The following DPP10 variants were observed in gnomAD, a reference collection of about 807,000 sequenced individuals.
DPP10 encodes the protein dipeptidyl peptidase like 10.
In DPP10, 33 loss-of-function variants were observed where a neutral mutation model predicts 120.9. The ratio of observed to expected loss-of-function variants is 0.27; its 90% CI spans 0.21 to 0.37. The LOEUF (loss-of-function observed/expected upper bound fraction) is 0.37. Among genes scored for constraint, DPP10 ranks in the 10% least tolerant of loss-of-function variants. The probability of loss-of-function intolerance (pLI) is 1.00; values close to 1 mark genes in which losing one functional copy is unlikely to be tolerated. For synonymous variants in DPP10, 337 were observed against 326.1 expected (o/e 1.03, Z -0.36); for missense variants, 816 against 942.8 (o/e 0.87, Z 1.76).
At chr2:114,760,316 C>T (rs574063915) in intron 1 of DPP10, among the ~76,000 whole-genome samples, 7 of 152,252 alleles carry the variant, frequency 4.6e-5, no homozygotes, top group African/African-American at 1.2e-4. Context: ...CTCCCTTTGG[C>T]GTGCATCCCC....
At chr2:115,262,490 A>T (rs1376511502) in intron 1 of DPP10, among the ~76,000 whole-genome samples, 6 of 152,106 alleles carry the variant, frequency 3.9e-5, no homozygotes, top group Non-Finnish European at 2.9e-5. Context: ...ATTCATTTTG[A>T]CTACATAGAA....
intron 1 of DPP10, among the ~76,000 whole-genome samples, chr2:114,899,642 C>T (rs1273805664): frequency 1.3e-5 from 2 of 152,090 alleles, no homozygotes; most frequent in African/African-American, 2.4e-5. Flanking sequence ...TTTTCTTTAA[C>T]TTAAAAATAC....
intron 1 of DPP10, among the ~76,000 whole-genome samples, chr2:115,218,517 C>A (rs1029791529): frequency 1.3e-5 from 2 of 152,112 alleles, no homozygotes; most frequent in African/African-American, 4.8e-5. Context: ...TTTCCAACAT[C>A]GTACTGACAT....
intron 1 of DPP10, among the ~76,000 whole-genome samples, chr2:114,884,805 C>T (rs1254378039): frequency 1.3e-5 from 2 of 152,152 alleles, no homozygotes; most frequent in Non-Finnish European, 1.5e-5. Flanking sequence ...TGAGTGAGAA[C>T]ATACAATGAT....
At chr2:115,296,276 G>A (rs980593029) in intron 1 of DPP10, among the ~76,000 whole-genome samples, 10 of 152,072 alleles carry the variant, frequency 6.6e-5, no homozygotes, top group African/African-American at 2.4e-4. Context: ...GCCTCTAAAG[G>A]TCGGTGGTGT....
At chr2:115,227,669 T>C (rs995902055) in intron 1 of DPP10, among the ~76,000 whole-genome samples, 24 of 152,178 alleles carry the variant, frequency 1.6e-4, no homozygotes, top group African/African-American at 5.5e-4. Context: ...TCAGACAATA[T>C]GTAGCCTTTC....
chr2:115,683,292 A>C (rs1376887013), intron 5 of DPP10, among the ~76,000 whole-genome samples: 1 of 151,988 alleles, frequency 6.6e-6, no homozygotes, highest in Non-Finnish European at 1.5e-5. Context: ...TGGGAAATGC[A>C]AAATTGTGGA....
chr2:115,362,509 G>A (rs1037186484), intron 3 of DPP10, among the ~76,000 whole-genome samples: 1 of 152,018 alleles, frequency 6.6e-6, no homozygotes, highest in Non-Finnish European at 1.5e-5. Flanking sequence ...TATATAACTG[G>A]CAGGTGACGT....
chr2:115,011,190 G>T (rs1210901602), intron 1 of DPP10, among the ~76,000 whole-genome samples: 2 of 152,160 alleles, frequency 1.3e-5, no homozygotes, highest in Non-Finnish European at 2.9e-5. Flanking sequence ...TTACTTTGTG[G>T]CTTAGAATAT....
chr2:114,672,103 T>G (rs1446479108), intron 1 of DPP10, among the ~76,000 whole-genome samples: 3 of 152,162 alleles, frequency 2.0e-5, no homozygotes, highest in Non-Finnish European at 4.4e-5. Flanking sequence ...TCTTAATTTA[T>G]ATAATTGATT....
chr2:114,555,453 T>A (rs1046200751), intron 1 of DPP10, among the ~76,000 whole-genome samples: 2 of 152,182 alleles, frequency 1.3e-5, no homozygotes, highest in Admixed American at 6.5e-5. Context: ...CAGTTGCTGA[T>A]GAAGAATGTA....
intron 1 of DPP10, among the ~76,000 whole-genome samples, chr2:115,278,166 T>C (rs1175576820): frequency 6.6e-6 from 1 of 152,206 alleles, no homozygotes; most frequent in Non-Finnish European, 1.5e-5. Flanking sequence ...AAATAATGTG[T>C]TTCCTTGGTA....
intron 1 of DPP10, among the ~76,000 whole-genome samples, chr2:114,472,581 G>A (rs981615866): frequency 6.6e-6 from 1 of 152,124 alleles, no homozygotes; most frequent in African/African-American, 2.4e-5. Flanking sequence ...CTTCGATGCA[G>A]GCTGCGTCTC....
At chr2:115,510,750 A>T (rs764904697) in intron 4 of DPP10, among the ~76,000 whole-genome samples, 1 of 152,172 alleles carries the variant, frequency 6.6e-6, no homozygotes, top group African/African-American at 2.4e-5. Context: ...GTGCTACACT[A>T]ACAAGGTTCT....
intron 1 of DPP10, chr2:115,161,217 G>A (rs1559162556): frequency 6.6e-6 from 1 of 152,316 alleles, no homozygotes; most frequent in Non-Finnish European, 1.5e-5. Context: ...CAGCACCTCA[G>A]GCCACAATCT....
chr2:115,353,427 T>G (rs528074004), intron 3 of DPP10, among the ~76,000 whole-genome samples: 1 of 152,288 alleles, frequency 6.6e-6, no homozygotes, highest in Admixed American at 6.5e-5. Flanking sequence ...GTATATTTGA[T>G]CATTTTACTG....
At chr2:114,706,172 G>C (rs965616409) in intron 1 of DPP10, among the ~76,000 whole-genome samples, 4 of 152,180 alleles carry the variant, frequency 2.6e-5, no homozygotes, top group African/African-American at 9.7e-5. Flanking sequence ...TGATTCCAAA[G>C]TTCTGTAGGA....
At chr2:115,410,118 T>C (rs1307104631) in intron 3 of DPP10, among the ~76,000 whole-genome samples, 1 of 152,214 alleles carries the variant, frequency 6.6e-6, no homozygotes, top group African/African-American at 2.4e-5. Context: ...ATTGATTAAA[T>C]AGGGAATCTG....
chr2:114,631,274 C>T (rs1017559322), intron 1 of DPP10, among the ~76,000 whole-genome samples: 7 of 151,938 alleles, frequency 4.6e-5, no homozygotes, highest in African/African-American at 1.7e-4. Context: ...CTGGAGTTTC[C>T]GACAAACCCA....
Sources: allele counts gnomAD v4.1 joint callset (sites outside exome capture counted in the v4.1 genomes callset), GRCh38; gene constraint gnomAD v4.1.1; transcripts MANE v1.5; gene names NCBI Gene and HGNC (gene_info 2026-07-23, HGNC 2026-07-21).